Variants in DENND2B observed in about 807,000 individuals in gnomAD.
The protein encoded by DENND2B is DENN domain-containing protein 2B.
Under a neutral mutation model 116.0 loss-of-function variants are expected in DENND2B, and 32 were observed. That is an observed-to-expected ratio of 0.28 (90% CI 0.21 to 0.37). The LOEUF (loss-of-function observed/expected upper bound fraction) is 0.37. Among genes scored for constraint, DENND2B ranks in the 10% least tolerant of loss-of-function variants. The probability of loss-of-function intolerance (pLI) is 1.00; values close to 1 mark genes in which losing one functional copy is unlikely to be tolerated. For synonymous variants in DENND2B, 588 were observed against 583.9 expected (o/e 1.01, Z -0.10); for missense variants, 1,276 against 1,477.7 (o/e 0.86, Z 2.24).
chr11:8,748,285 G>A (rs1292253566), intron 2 of DENND2B, among the ~76,000 whole-genome samples: 1 of 152,132 alleles, frequency 6.6e-6, no homozygotes, highest in African/African-American at 2.4e-5. Context: ...GTCAAACTAA[G>A]AAACTCAGGT....
At chr11:8,727,252 T>G (rs562855361) in intron 3 of DENND2B, among the ~76,000 whole-genome samples, 24 of 152,280 alleles carry the variant, frequency 1.6e-4, no homozygotes, top group Non-Finnish European at 2.8e-4. Flanking sequence ...AATAAAGCCC[T>G]TTTTCTCTTG....
At chr11:8,899,525 G>A (rs1308916287) in intron 1 of DENND2B, among the ~76,000 whole-genome samples, 2 of 151,868 alleles carry the variant, frequency 1.3e-5, no homozygotes, top group African/African-American at 4.8e-5. Context: ...AAACAACAGA[G>A]ACTAAGAAAG....
rs2045239038 is a variant in DENND2B, at chr11:8,717,909, G to A, written c.1478-17C>T. 3.1e-6 allele frequency: 5 copies of A among 1,602,178 alleles called. No individual in the cohort carries two copies. Among genetic ancestry groups the A allele is most frequent in the Middle Eastern group, 1.7e-4 (1 of 6,056 alleles). On this transcript the variant is annotated splice_polypyrimidine_tract_variant and intron_variant, in intron 4 of 19. Coordinates refer to ENST00000313726, the MANE Select transcript of DENND2B (RefSeq NM_213618.2). The stretch of plus-strand genomic sequence containing the variant: ...GCAGATCTCCTGCAGAGGAGGAAGA[G>A]TTAGAGAAGGGGGAGAAGGGAAGAA...
chr11:8,824,532 C>T (rs938937492), intron 4 of DENND2B, among the ~76,000 whole-genome samples: 4 of 152,114 alleles, frequency 2.6e-5, no homozygotes, highest in Non-Finnish European at 5.9e-5. Context: ...GACATGATTT[C>T]ATTCTTTTTT....
chr11:8,871,587 G>C (rs1376595190), upstream of DENND2B, among the ~76,000 whole-genome samples: 1 of 152,128 alleles, frequency 6.6e-6, no homozygotes, highest in Non-Finnish European at 1.5e-5. Flanking sequence ...CTCGGGCCTC[G>C]GGGGAGCCCT....
Position 8,707,328 on chromosome 11 carries a change from A to G in DENND2B, c.2431-103T>C. 6.9e-7 allele frequency: 1 copy of G among 1,440,872 alleles called. No homozygotes were observed. Among genetic ancestry groups the G allele is most frequent in the Non-Finnish European group, 9.3e-7 (1 of 1,078,858 alleles). 89.3% of individuals were successfully genotyped at this position (1,440,872 alleles called of 1,614,324 possible). ...GCCAAGCATCTGACCAGGCTAGCCC[A>G]GAAGCTGGGAGACGGGAAGGTGGTC... On this transcript the variant is annotated intron_variant, in intron 12 of 19. Coordinates refer to ENST00000313726, the MANE Select transcript of DENND2B (RefSeq NM_213618.2). The surrounding 1 kb of genome is among the most constrained non-coding windows in gnomAD (Gnocchi z 4.8).
At chr11:8,770,139 T>C (rs1400028214) in intron 1 of DENND2B, among the ~76,000 whole-genome samples, 1 of 152,250 alleles carries the variant, frequency 6.6e-6, no homozygotes, top group African/African-American at 2.4e-5. Flanking sequence ...GAGCCCAGTA[T>C]CTAAACTACA....
At chr11:8,849,608 G>C (rs2062935816) in intron 3 of DENND2B, among the ~76,000 whole-genome samples, 1 of 151,544 alleles carries the variant, frequency 6.6e-6, no homozygotes, top group South Asian at 2.1e-4. Context: ...CAGATCACTT[G>C]AGGTCAGGAG....
Position 8,730,675 on chromosome 11 carries a change from G to A in DENND2B, c.615C>T (p.Gly205=). The A allele has an allele frequency of 6.2e-7, 1 of 1,612,088 alleles. No individual in the cohort carries two copies. The highest frequency in any genetic ancestry group is 8.5e-7 in the Non-Finnish European group (1 of 1,179,716). ...AGGGGGACGGCACCACGCTGGGACA[G>A]CCCAGGCTGGGGCAGCCCTCACTGG... ...WAASEGCPSL[G]CPSVVPSPCS... is the part of the protein sequence containing the mutation. The change falls in exon 3 of 20, where the codon GGC becomes GGT. Residue 205 remains glycine, a synonymous_variant. Transcript: ENST00000313726. The surrounding 1 kb of genome is among the most constrained non-coding windows in gnomAD (Gnocchi z 4.1).
intron 1 of DENND2B, chr11:8,808,864 C>G (rs1319074249): frequency 1.3e-5 from 2 of 151,994 alleles, no homozygotes; most frequent in African/African-American, 4.8e-5. Context: ...ATCTAGCCGT[C>G]GACTCAAGTC....
chr11:8,901,210 CTTTCT>C (rs566458011), intron 1 of DENND2B, among the ~76,000 whole-genome samples: 4 of 93,132 alleles, frequency 4.3e-5, no homozygotes, highest in South Asian at 4.3e-4. Flanking sequence ...TTTTCTTTTT[CTTTCT>C]TTTCTTTTCT....
At chr11:8,851,645 C>T (rs2063011572) in intron 3 of DENND2B, among the ~76,000 whole-genome samples, 2 of 152,018 alleles carry the variant, frequency 1.3e-5, no homozygotes, top group South Asian at 2.1e-4. Context: ...CTAGGAATCC[C>T]CAAAATAATC....
At chr11:8,890,292 A>C (rs1037475562) in intron 1 of DENND2B, among the ~76,000 whole-genome samples, 1 of 152,228 alleles carries the variant, frequency 6.6e-6, no homozygotes, top group Non-Finnish European at 1.5e-5. Flanking sequence ...AAGATGGGGA[A>C]AAAACAGAGC....
chr11:8,725,337 A>G (rs957858109), intron 4 of DENND2B, among the ~76,000 whole-genome samples: 1 of 150,668 alleles, frequency 6.6e-6, no homozygotes. Flanking sequence ...CAGACACTCA[A>G]TCTTATTTAA....
At chr11:8,856,783 C>G (rs963328584) in intron 3 of DENND2B, among the ~76,000 whole-genome samples, 4 of 148,948 alleles carry the variant, frequency 2.7e-5, no homozygotes, top group African/African-American at 9.9e-5. Flanking sequence ...TCAGACAGGT[C>G]TTGACTGTCA....
rs186259573 is a variant in DENND2B at position 8,728,408 on chromosome 11, G to A, written c.1340+1542C>T. On this transcript the variant is annotated intron_variant, in intron 3 of 19. Coordinates refer to ENST00000313726, the MANE Select transcript of DENND2B (RefSeq NM_213618.2). ...TCCTCATGGAACATGTTCACTGTGT[G>A]AAATGGCATACAGAACAGACTGCAC... is the stretch of plus-strand genomic sequence containing the variant. Among the ~76,000 whole-genome samples, 7 of 152,292 alleles carry A rather than the reference G, an allele frequency of 4.6e-5. No homozygotes were observed. In the East Asian group the frequency reaches 1.3e-3, roughly 29 times the overall value.
chr11:8,795,104 G>C (rs796516353), intron 1 of DENND2B, among the ~76,000 whole-genome samples: 23 of 152,352 alleles, frequency 1.5e-4, no homozygotes, highest in African/African-American at 5.0e-4. Context: ...CAAGTGCCCA[G>C]GATGGGCATT....
intron 4 of DENND2B, among the ~76,000 whole-genome samples, chr11:8,836,811 G>A (rs1452274947): frequency 2.0e-5 from 3 of 152,078 alleles, no homozygotes; most frequent in African/African-American, 4.8e-5. Flanking sequence ...ACCTCCCTGG[G>A]CTCAGGTGGT....
chr11:8,821,190 A>G (rs953476684), intron 4 of DENND2B, among the ~76,000 whole-genome samples: 14 of 151,738 alleles, frequency 9.2e-5, no homozygotes, highest in Admixed American at 6.6e-5. Context: ...AAACTACTAT[A>G]AACCACAAAC....
Sources: allele counts gnomAD v4.1 joint callset (sites outside exome capture counted in the v4.1 genomes callset), GRCh38; gene constraint gnomAD v4.1.1; non-coding constraint Gnocchi (gnomAD v3.1); transcripts MANE v1.5; gene names NCBI Gene and HGNC (gene_info 2026-07-23, HGNC 2026-07-21).